The following SLC16A1 variants were observed in gnomAD, a reference collection of about 807,000 sequenced individuals.
SLC16A1 encodes the protein solute carrier family 16 member 1, also known as monocarboxylate transporter 1.
SLC16A1 carries 11 observed loss-of-function variants against 32.2 expected under a neutral mutation model. The observed-to-expected ratio is 0.34, with a 90% CI of 0.21 to 0.56. The LOEUF (loss-of-function observed/expected upper bound fraction) is 0.56. SLC16A1 is among the 20% of genes least tolerant of loss of function. The probability of loss-of-function intolerance (pLI) is 0.87; values close to 1 mark genes in which losing one functional copy is unlikely to be tolerated. For synonymous variants in SLC16A1, 231 were observed against 226.8 expected (o/e 1.02, Z -0.17); for missense variants, 435 against 615.0 (o/e 0.71, Z 3.10).
intron 2 of SLC16A1, chr1:112,923,626 T>C: frequency 7.0e-7 from 1 of 1,432,442 alleles, no homozygotes; most frequent in Non-Finnish European, 9.8e-7. Context: ...AGTCTCCGGT[T>C]CCAGCTGGAG....
chr1:112,930,030 G>A (rs917888372), intron 1 of SLC16A1, among the ~76,000 whole-genome samples: 4 of 152,140 alleles, frequency 2.6e-5, no homozygotes, highest in East Asian at 1.9e-4. Context: ...ATCCTTTAAA[G>A]TATCCTTTAT....
At chr1:112,945,823 T>C (rs901381216) in intron 1 of SLC16A1, among the ~76,000 whole-genome samples, 5 of 150,260 alleles carry the variant, frequency 3.3e-5, no homozygotes, top group African/African-American at 1.2e-4. Flanking sequence ...AGAAACCCCA[T>C]CTCTACTAAA....
chr1:112,933,817 G>C (rs1649216718), intron 1 of SLC16A1, among the ~76,000 whole-genome samples: 2 of 152,176 alleles, frequency 1.3e-5, no homozygotes, highest in African/African-American at 4.8e-5. Flanking sequence ...CATTTTGGCA[G>C]TTCCTTATAA....
chr1:112,951,309 G>A (rs1334565582), intron 1 of SLC16A1, among the ~76,000 whole-genome samples: 1 of 152,126 alleles, frequency 6.6e-6, no homozygotes, highest in Non-Finnish European at 1.5e-5. Flanking sequence ...GGGCAGGGGG[G>A]CCTACTAGGA....
intron 1 of SLC16A1, among the ~76,000 whole-genome samples, chr1:112,932,302 A>G (rs539580271): frequency 1.2e-4 from 19 of 152,178 alleles, no homozygotes; most frequent in African/African-American, 3.9e-4. Context: ...TGGAAGACCA[A>G]TGTAGGAGAA....
intron 1 of SLC16A1, among the ~76,000 whole-genome samples, chr1:112,944,538 AAAAT>A (rs1353430221): frequency 1.3e-5 from 2 of 152,348 alleles, no homozygotes; most frequent in Admixed American, 1.3e-4. Flanking sequence ...GTGTGAATAG[AAAAT>A]AAAATTTACC....
chr1:112,917,593 C>A lies in SLC16A1; in HGVS notation c.813G>T (p.Val271=). The A allele has an allele frequency of 6.2e-7, 1 of 1,614,170 alleles. No homozygotes were observed. Among genetic ancestry groups the A allele is most frequent in the South Asian group, 1.1e-5 (1 of 91,070 alleles). ...GTGCAAAGAGTCCAAAAAACATGAT[C>A]ACATTTCCAGAGAGGTATAGCAAAA... ...RGFLLYLSGN[V]IMFFGLFAPL... The change falls in exon 4 of 5, where the codon GTG becomes GTT. Residue 271 remains valine (V), a synonymous_variant. Coordinates refer to ENST00000369626, the MANE Select transcript of SLC16A1 (RefSeq NM_003051.4). The surrounding 1 kb of genome is among the most constrained non-coding windows in gnomAD (Gnocchi z 4.1).
intron 1 of SLC16A1, among the ~76,000 whole-genome samples, chr1:112,931,438 G>T (rs1649124759): frequency 1.3e-5 from 2 of 151,892 alleles, no homozygotes; most frequent in South Asian, 2.1e-4. Context: ...CTGAGATCAG[G>T]AGTTCGAGAC....
rs549674452 is a variant in SLC16A1 at position 112,913,790 on chromosome 1, T to C, written c.*101A>G. On this transcript the variant is annotated 3_prime_UTR_variant, in exon 5 of 5. Coordinates refer to ENST00000369626, the MANE Select transcript of SLC16A1 (RefSeq NM_003051.4). ...CTGGTATGATTTCCACACAAATGTC[T>C]ACTATTTGCATTGAGCACCACTGGT... The C allele has an allele frequency of 1.4e-6, 2 of 1,381,158 alleles. No individual in the cohort carries two copies. The highest frequency in any genetic ancestry group is 3.4e-5 in the Admixed American group (2 of 59,488). The allele number at this position is 1,381,158 out of a possible 1,614,324, so 85.6% of individuals were successfully genotyped here. A position where few individuals can be genotyped will look rare whatever the true frequency, so the allele number is the denominator to read the frequency against.
At chr1:112,945,273 G>A (rs889989081) in intron 1 of SLC16A1, among the ~76,000 whole-genome samples, 1 of 151,974 alleles carries the variant, frequency 6.6e-6, no homozygotes, top group Non-Finnish European at 1.5e-5. Flanking sequence ...GGGCTTATAG[G>A]CATAAGCCAC....
At chr1:112,916,081 A>G (rs1411823617) in intron 4 of SLC16A1, among the ~76,000 whole-genome samples, 1 of 152,202 alleles carries the variant, frequency 6.6e-6, no homozygotes, top group Non-Finnish European at 1.5e-5. Context: ...CTTGTGAGAT[A>G]CAACAGGAGA....
At chr1:112,954,355 C>CATA (rs1650004248) in intron 1 of SLC16A1, among the ~76,000 whole-genome samples, 1 of 152,194 alleles carries the variant, frequency 6.6e-6, no homozygotes, top group Admixed American at 6.5e-5. Context: ...CAAAGACACA[C>CATA]ATAGTTCCCA....
At chr1:112,915,985 G>A (rs1315311964) in intron 4 of SLC16A1, among the ~76,000 whole-genome samples, 3 of 152,142 alleles carry the variant, frequency 2.0e-5, no homozygotes, top group East Asian at 1.9e-4. Flanking sequence ...TTTTCTAGCT[G>A]TATGATTTTA....
intron 4 of SLC16A1, among the ~76,000 whole-genome samples, chr1:112,915,786 G>A (rs2101619613): frequency 6.8e-6 from 1 of 146,290 alleles, no homozygotes; most frequent in East Asian, 2.0e-4. Flanking sequence ...AGAAGACAGT[G>A]ATCTCAAAAG....
chr1:112,953,929 G>A (rs1357561978), intron 1 of SLC16A1, among the ~76,000 whole-genome samples: 1 of 152,148 alleles, frequency 6.6e-6, no homozygotes, highest in East Asian at 1.9e-4. Context: ...GTACCTACTT[G>A]TTTGTAAAGA....
chr1:112,925,002 A>G (rs1015751450), intron 2 of SLC16A1, among the ~76,000 whole-genome samples: 3 of 152,220 alleles, frequency 2.0e-5, no homozygotes, highest in African/African-American at 4.8e-5. Flanking sequence ...ATTAAATCAG[A>G]TAACAGTCAA....
chr1:112,948,833 AT>A (rs1477772612), intron 1 of SLC16A1, among the ~76,000 whole-genome samples: 3 of 147,218 alleles, frequency 2.0e-5, no homozygotes, highest in African/African-American at 7.6e-5. Context: ...GTTTTATTTT[AT>A]TTTATTATTT....
intron 3 of SLC16A1, among the ~76,000 whole-genome samples, chr1:112,920,467 G>A (rs1648682314): frequency 6.6e-6 from 1 of 152,152 alleles, no homozygotes; most frequent in South Asian, 2.1e-4. Context: ...TTAGCTGGGT[G>A]TGGTAGCGGG....
intron 1 of SLC16A1, among the ~76,000 whole-genome samples, chr1:112,940,015 T>C (rs1461526796): frequency 1.3e-5 from 2 of 150,708 alleles, no homozygotes; most frequent in Non-Finnish European, 2.9e-5. Context: ...TCCTCTTTGA[T>C]ACTACACCAA....
Sources: allele counts gnomAD v4.1 joint callset (sites outside exome capture counted in the v4.1 genomes callset), GRCh38; gene constraint gnomAD v4.1.1; non-coding constraint Gnocchi (gnomAD v3.1); transcripts MANE v1.5; gene names NCBI Gene and HGNC (gene_info 2026-07-23, HGNC 2026-07-21).